Variants in KLHL1 observed in about 807,000 individuals in gnomAD.
The protein encoded by KLHL1 is kelch like family member 1.
In KLHL1, 47 loss-of-function variants were observed where a neutral mutation model predicts 77.7. The ratio of observed to expected loss-of-function variants is 0.60; its 90% CI spans 0.48 to 0.77. KLHL1 has a LOEUF of 0.77. Among genes scored for constraint, KLHL1 ranks in the 30% least tolerant of loss-of-function variants. KLHL1 has a pLI of 0.00. For synonymous variants in KLHL1, 360 were observed against 325.2 expected (o/e 1.11, Z -1.15); for missense variants, 925 against 910.8 (o/e 1.02, Z -0.20).
At chr13:69,876,774 A>G (rs951677942) in intron 5 of KLHL1, among the ~76,000 whole-genome samples, 5 of 152,226 alleles carry the variant, frequency 3.3e-5, no homozygotes, top group Non-Finnish European at 5.9e-5. Flanking sequence ...GCAGTGGCTC[A>G]TGCCTGTAAT....
At chr13:70,093,490 A>G (rs138887399) in intron 1 of KLHL1, among the ~76,000 whole-genome samples, 210 of 152,306 alleles carry the variant, frequency 1.4e-3, no homozygotes, top group African/African-American at 4.8e-3. Flanking sequence ...AATCTATGTA[A>G]TTCCTAAGCA....
chr13:69,720,019 G>A (rs1300505435), intron 8 of KLHL1, among the ~76,000 whole-genome samples: 2 of 151,960 alleles, frequency 1.3e-5, no homozygotes, highest in African/African-American at 4.8e-5. Flanking sequence ...CCTGCACCTT[G>A]TGTTCCATCC....
intron 7 of KLHL1, among the ~76,000 whole-genome samples, chr13:69,767,775 C>T (rs929258410): frequency 6.6e-6 from 1 of 152,114 alleles, no homozygotes; most frequent in African/African-American, 2.4e-5. Flanking sequence ...ATTCAATTTA[C>T]TACCTCCATA....
intron 7 of KLHL1, among the ~76,000 whole-genome samples, chr13:69,782,192 T>C (rs1205814389): frequency 1.3e-5 from 2 of 152,220 alleles, no homozygotes; most frequent in African/African-American, 2.4e-5. Context: ...GGAGTCAAGA[T>C]GGCCGAACAG....
chr13:69,711,952 C>T (rs555094639), intron 9 of KLHL1, among the ~76,000 whole-genome samples: 1 of 152,234 alleles, frequency 6.6e-6, no homozygotes, highest in Non-Finnish European at 1.5e-5. Flanking sequence ...TTTTAATTTG[C>T]ATTTCCCTGA....
intron 1 of KLHL1, among the ~76,000 whole-genome samples, chr13:70,101,781 G>A (rs1339301126): frequency 6.6e-6 from 1 of 152,100 alleles, no homozygotes; most frequent in Non-Finnish European, 1.5e-5. Flanking sequence ...CACTTGCTCA[G>A]AGAGAAGGGT....
chr13:69,782,459 A>G (rs1444680704), intron 7 of KLHL1, among the ~76,000 whole-genome samples: 2 of 152,204 alleles, frequency 1.3e-5, no homozygotes, highest in Non-Finnish European at 2.9e-5. Context: ...GGTCACTCCC[A>G]CCCTAATACT....
chr13:70,086,590 A>AAAAAAAAAG (rs1403142406), intron 1 of KLHL1, among the ~76,000 whole-genome samples: 1 of 85,752 alleles, frequency 1.2e-5, no homozygotes, highest in African/African-American at 4.8e-5. Context: ...AAAAAAAAAA[A>AAAAAAAAAG]AAAGAAAGAA....
chr13:69,832,846 T>C (rs1878816196), intron 6 of KLHL1, among the ~76,000 whole-genome samples: 1 of 150,152 alleles, frequency 6.7e-6, no homozygotes, highest in South Asian at 2.1e-4. Flanking sequence ...AACAAAAACA[T>C]AGAGTGGGGA....
chr13:70,079,365 C>A (rs1412255821), intron 1 of KLHL1, among the ~76,000 whole-genome samples: 1 of 152,122 alleles, frequency 6.6e-6, no homozygotes, highest in African/African-American at 2.4e-5. Flanking sequence ...CTCCTGTATG[C>A]CGACGTTTGT....
intron 1 of KLHL1, among the ~76,000 whole-genome samples, chr13:70,016,117 A>G (rs1336703562): frequency 6.6e-6 from 1 of 152,252 alleles, no homozygotes; most frequent in Non-Finnish European, 1.5e-5. Flanking sequence ...AACACCCTCA[A>G]AAACATAGGC....
At chr13:69,728,398 G>C (rs76904020) in intron 8 of KLHL1, among the ~76,000 whole-genome samples, 3 of 137,636 alleles carry the variant, frequency 2.2e-5, no homozygotes, top group Non-Finnish European at 4.8e-5. Context: ...CAACTGCCTT[G>C]TAAAAATTGT....
intron 7 of KLHL1, among the ~76,000 whole-genome samples, chr13:69,752,938 G>A (rs1382167275): frequency 6.6e-6 from 1 of 152,120 alleles, no homozygotes; most frequent in Non-Finnish European, 1.5e-5. Context: ...AACCATTTCT[G>A]GAGAGTGACT....
chr13:69,932,982 G>A (rs1883052738), intron 4 of KLHL1, among the ~76,000 whole-genome samples: 1 of 151,784 alleles, frequency 6.6e-6, no homozygotes, highest in Admixed American at 6.6e-5. Flanking sequence ...AGAATGTTAA[G>A]AAATACAAAA....
chr13:70,055,643 G>A (rs566998715), intron 1 of KLHL1, among the ~76,000 whole-genome samples: 2 of 152,112 alleles, frequency 1.3e-5, no homozygotes, highest in South Asian at 4.2e-4. Flanking sequence ...GACATAAATG[G>A]AAACAACAAA....
At chr13:69,742,123 C>T (rs1312655471) in intron 7 of KLHL1, among the ~76,000 whole-genome samples, 1 of 152,048 alleles carries the variant, frequency 6.6e-6, no homozygotes, top group Non-Finnish European at 1.5e-5. Context: ...TTTACAATTG[C>T]CTCATAAAAT....
intron 3 of KLHL1, among the ~76,000 whole-genome samples, chr13:69,940,792 CAAAAAAA>C (rs374717086): frequency 0.019 from 1,307 of 67,728 alleles, 29 homozygotes; most frequent in African/African-American, 0.065. Flanking sequence ...ATCTTAAAGG[CAAAAAAA>C]AAAAAAAAAA....
Position 69,744,486 on chromosome 13 carries a change from A to AAT in KLHL1, c.1640-3932_1640-3931dup, listed in dbSNP as rs143343158. Among the ~76,000 whole-genome samples the AAT allele has an allele frequency of 6.5e-3, 977 of 150,294 alleles. 8 individuals are homozygous for AAT. Among genetic ancestry groups the AAT allele is most frequent in the African/African-American group, 0.022 (915 of 41,110 alleles). On this transcript the variant is annotated intron_variant, in intron 7 of 10. Coordinates refer to ENST00000377844, the MANE Select transcript of KLHL1 (RefSeq NM_020866.3). ...ACTTTGTATAAATGTTTCAAAGTATAATATATATATATTACATTAATATAC... is the reference window on the plus strand; with the variant it reads ...ACTTTGTATAAATGTTTCAAAGTATAATATATATATATATTACATTAATATAC...
intron 1 of KLHL1, among the ~76,000 whole-genome samples, chr13:70,045,439 A>C (rs1886470584): frequency 6.6e-6 from 1 of 152,202 alleles, no homozygotes; most frequent in Non-Finnish European, 1.5e-5. Flanking sequence ...TTTATGGAAA[A>C]AATACCATCT....
Sources: gnomAD v4.1 joint callset for allele counts (sites outside exome capture counted in the v4.1 genomes callset) on GRCh38, gnomAD v4.1.1 for gene constraint, MANE v1.5 for transcripts, NCBI Gene and HGNC (gene_info 2026-07-23, HGNC 2026-07-21) for gene names.